The following HSPG2 variants were observed in gnomAD, a reference collection of about 807,000 sequenced individuals.
The protein encoded by HSPG2 is basement membrane-specific heparan sulfate proteoglycan core protein.
HSPG2 carries 278 observed loss-of-function variants against 526.6 expected under a neutral mutation model. The observed-to-expected ratio is 0.53, with a 90% CI of 0.48 to 0.58. HSPG2 has a LOEUF of 0.58. Among genes scored for constraint, HSPG2 ranks in the 20% least tolerant of loss-of-function variants. The pLI is 0.00. For missense variants in HSPG2, 5,354 were observed against 6,099.5 expected (o/e 0.88, Z 4.07); for synonymous variants, 2,465 against 2,555.4 (o/e 0.96, Z 1.07).
At chr1:21,925,112 G>A (rs561002733) in intron 1 of HSPG2, among the ~76,000 whole-genome samples, 1 of 152,342 alleles carries the variant, frequency 6.6e-6, no homozygotes, top group African/African-American at 2.4e-5. Flanking sequence ...CTCTGCGCCT[G>A]ACTATTCCCT....
chr1:21,830,127 G>T, intron 85 of HSPG2, 36 bp from the exon 86 acceptor site: 1 of 1,523,092 alleles, frequency 6.6e-7, no homozygotes, highest in Non-Finnish European at 8.9e-7. Flanking sequence ...AGACACGGAG[G>T]TGACTCTGGA....
At chr1:21,845,149 G>A (rs1042626464) in intron 64 of HSPG2, among the ~76,000 whole-genome samples, 2 of 152,180 alleles carry the variant, frequency 1.3e-5, no homozygotes, top group African/African-American at 4.8e-5. Context: ...AGGAGGCTGA[G>A]GCAGGAGAAT....
At position 21,852,802 on chromosome 1, in the gene HSPG2, C is replaced by T. The variant is rs1197936961; in HGVS notation, c.6622G>A (p.Val2208Met). ...TACTCGCCTGAGTCGGCCGGGGTCA[C>T]CTGGTGCAGCCGCAGCAGCGAGCCG... ...THGSLLRLHQ[V>M]TPADSGEYVC... Residue 2208 changes from valine (V) to methionine (M), a missense_variant, in exon 52 of 97, where the codon GTG becomes ATG. Val to Met is a conservative substitution (Grantham distance 21). Transcript: ENST00000374695. 7 of 1,612,840 alleles carry T rather than the reference C, an allele frequency of 4.3e-6. No homozygotes were observed. In the Admixed American group the frequency reaches 1.0e-4, roughly 23 times the overall value.
rs1557742512 is a variant in HSPG2, at chr1:21,864,177, G to T, written c.4663C>A (p.Leu1555Ile). Residue 1555 changes from leucine to isoleucine, a missense_variant, in exon 37 of 97, where the codon CTC becomes ATC. Transcript: ENST00000374695. The surrounding 1 kb of genome is among the most constrained non-coding windows in gnomAD (Gnocchi z 4.8). ...CATAGCTCGCAGTGGCCGAGGTAGA[G>T]CCCACTCCCGGTGCGCGTGTAGCCG... ...APGYTRTGSG[L>I]YLGHCELCEC... 1.9e-6 allele frequency: 3 copies of T among 1,554,516 alleles called. No individual in the cohort carries two copies. The highest frequency in any genetic ancestry group is 2.6e-6 in the Non-Finnish European group (3 of 1,148,942).
Position 21,904,260 on chromosome 1 carries a change from C to T in HSPG2, c.64-7950G>A, listed in dbSNP as rs373602742. On this transcript the variant is annotated intron_variant, in intron 1 of 96. Transcript: ENST00000374695. This position sits in a 1 kb window ranked among gnomAD's most constrained non-coding sequence, Gnocchi z 4.4. ...AAGATTTCCAGAAGAAATGCTAACT[C>T]AGCTGGGCCTGAGAGATGACTTCAC... Among the ~76,000 whole-genome samples the T allele has an allele frequency of 2.4e-4, 36 of 152,162 alleles. No individual in the cohort carries two copies. Among genetic ancestry groups the T allele is most frequent in the African/African-American group, 7.2e-4 (30 of 41,426 alleles).
chr1:21,891,350 C>G (rs907818567), intron 3 of HSPG2, among the ~76,000 whole-genome samples: 6 of 152,190 alleles, frequency 3.9e-5, no homozygotes, highest in African/African-American at 1.4e-4. Flanking sequence ...TGGGTTGCTG[C>G]GAGGAGTGCA....
intron 6 of HSPG2, among the ~76,000 whole-genome samples, chr1:21,888,894 T>C (rs1327243946): frequency 1.3e-5 from 2 of 152,242 alleles, no homozygotes; most frequent in African/African-American, 2.4e-5. Context: ...AGAGCAAGCT[T>C]GATCTCTGGG....
In HSPG2 at chr1:21,831,212, C is replaced by T; in HGVS notation, c.11562+3G>A. On this transcript the variant is annotated splice_donor_region_variant and intron_variant, in intron 84 of 96. Transcript: ENST00000374695. ...CCAGGTGGTGTGTGGGGTGTGGGGTCACCTGGCAGGGCCGGTCCCGACAGG... is the reference window on the plus strand; with the variant it reads ...CCAGGTGGTGTGTGGGGTGTGGGGTTACCTGGCAGGGCCGGTCCCGACAGG... 6.2e-7 allele frequency: 1 copy of T among 1,613,478 alleles called. No homozygotes were observed. The highest frequency in any genetic ancestry group is 8.5e-7 in the Non-Finnish European group (1 of 1,179,498).
In HSPG2 at chr1:21,838,716, C is replaced by T. The variant is rs955821815; in HGVS notation, c.10150+109G>A. 4.2e-6 allele frequency: 5 copies of T among 1,185,938 alleles called. No individual in the cohort carries two copies. The African/African-American group carries it at 4.8e-5, about 11-fold the overall frequency. The allele number at this position is 1,185,938 out of a possible 1,614,324, so 73.5% of individuals were successfully genotyped here. A position where few individuals can be genotyped will look rare whatever the true frequency, so the allele number is the denominator to read the frequency against. On this transcript the variant is annotated intron_variant, in intron 74 of 96. Transcript: ENST00000374695. ...GGAGAGTAGGGGAGATGAGGGCATT[C>T]CAGGTGGGGTTATGGAGGGAGGCCT...
At position 21,850,402 on chromosome 1, in the gene HSPG2, A is replaced by G; in HGVS notation, c.7255T>C (p.Ser2419Pro). 6.2e-7 allele frequency: 1 copy of G among 1,611,070 alleles called. No individual in the cohort carries two copies. Among genetic ancestry groups the G allele is most frequent in the Non-Finnish European group, 8.5e-7 (1 of 1,178,956 alleles). Residue 2419 changes from serine to proline, a missense_variant, in exon 56 of 97, where the codon TCT becomes CCT. By Grantham distance (74) the Ser-to-Pro change is moderately conservative. Coordinates refer to ENST00000374695, the MANE Select transcript of HSPG2 (RefSeq NM_005529.7). ...VLGSSVPLEASVLVTIEPAGS... is the reference protein window; with the variant it reads ...VLGSSVPLEAPVLVTIEPAGS... The stretch of plus-strand genomic sequence containing the variant: ...GCAGGCTCAATGGTGACCAGGACAG[A>G]GGCCTCTAGAGGCACGGAGCTGCCC...
In HSPG2 at chr1:21,926,621, TG is replaced by T; in HGVS notation, c.63+10533del. Among the ~76,000 whole-genome samples the T allele has an allele frequency of 2.0e-5, 3 of 151,726 alleles. No individual in the cohort carries two copies. In the Middle Eastern group the frequency reaches 0.01, roughly 516 times the overall value. ...TACAAAAATTAGCCAGGCGTGGTAG[TG>T]CATGCCTGTAATCCATAATCCCTGC... On this transcript the variant is annotated intron_variant, in intron 1 of 96. Coordinates refer to ENST00000374695, the MANE Select transcript of HSPG2 (RefSeq NM_005529.7).
In HSPG2 at chr1:21,884,894, G is replaced by A. The variant is rs142736604; in HGVS notation, c.1380C>T (p.Gly460=). ...CATCACGGATGATCAGTGTGCCACG[G>A]CCACCCTCGCTGGTCACTGTCACCC... is the stretch of plus-strand genomic sequence containing the variant. ...HPRVTVTSEG[G]RGTLIIRDVK... Residue 460 remains glycine (G), a synonymous_variant, in exon 12 of 97, where the codon GGC becomes GGT. Coordinates refer to ENST00000374695, the MANE Select transcript of HSPG2 (RefSeq NM_005529.7). 3.1e-6 allele frequency: 5 copies of A among 1,613,874 alleles called. No homozygotes were observed. The African/African-American group carries it at 6.7e-5, about 22-fold the overall frequency.
chr1:21,858,088 G>A lies in HSPG2; in HGVS notation c.5294-703C>T, dbSNP rs761525719. 1.3e-5 allele frequency among the ~76,000 whole-genome samples: 2 copies of A among 151,988 alleles called. No individual in the cohort carries two copies. The highest frequency in any genetic ancestry group is 6.6e-5 in the Admixed American group (1 of 15,260). On this transcript the variant is annotated intron_variant, in intron 42 of 96. Coordinates refer to ENST00000374695, the MANE Select transcript of HSPG2 (RefSeq NM_005529.7). The surrounding 1 kb of genome is among the most constrained non-coding windows in gnomAD (Gnocchi z 4.2). ...CTCGCAGTCAATGACCCACTTCCTG[G>A]CCTCCCTTCAGAGCCAAGACTCTTG...
intron 9 of HSPG2, among the ~76,000 whole-genome samples, chr1:21,886,979 C>T (rs1442179261): frequency 6.6e-6 from 1 of 152,210 alleles, no homozygotes; most frequent in African/African-American, 2.4e-5. Flanking sequence ...CACACAGCTT[C>T]ACCAAAGGCC....
At chr1:21,936,901 A>C (rs531635356) in intron 1 of HSPG2, among the ~76,000 whole-genome samples, 148 of 152,102 alleles carry the variant, frequency 9.7e-4, no homozygotes, top group African/African-American at 3.4e-3. Flanking sequence ...TGGCCGAGAG[A>C]CCCACGGGCT....
chr1:21,876,383 G>C lies in HSPG2; in HGVS notation c.2849C>G (p.Pro950Arg), dbSNP rs1245235552. 1 of 1,611,760 alleles carries C rather than the reference G, an allele frequency of 6.2e-7. No individual in the cohort carries two copies. The change falls in exon 23 of 97, where the codon CCT (proline) becomes CGT (arginine). Residue 950 changes from proline to arginine, a missense_variant. Pro to Arg is a moderately radical substitution (Grantham distance 103). Coordinates refer to ENST00000374695, the MANE Select transcript of HSPG2 (RefSeq NM_005529.7). The part of the protein sequence containing the change: ...RAQLHGASEE[P>R]GHFSLTNAAS... ...GGCGTTGGTCAGGCTGAAGTGACCA[G>C]GCTCCTCAGAGGCCCCATGCAACTG...
Position 21,862,022 on chromosome 1 carries a change from G to C in HSPG2, c.4834C>G (p.Pro1612Ala). ...GGGTTGGTCAGTGGGCAGGCACAGG[G>C]CTGGCAGTCCTCAGGCGTCCCGGCT... ...ATAGTPEDCQ[P>A]CACPLTNPEN... The change falls in exon 38 of 97, where the codon CCC (proline) becomes GCC (alanine). Residue 1612 changes from proline (P) to alanine (A), a missense_variant. Pro to Ala is a conservative substitution (Grantham distance 27, BLOSUM62 -1). Transcript: ENST00000374695. The C allele has an allele frequency of 6.2e-7, 1 of 1,614,198 alleles. No individual in the cohort carries two copies. Among genetic ancestry groups the C allele is most frequent in the Non-Finnish European group, 8.5e-7 (1 of 1,180,034 alleles).
rs1013459132 is a variant in HSPG2 at position 21,841,305 on chromosome 1, C to T, written c.9329-20G>A. ...GGGGCCCTGTGCGGAGGAATGACAA[C>T]CACTGACACACAGGCAGGGCTCTGC... On this transcript the variant is annotated intron_variant, in intron 70 of 96. Coordinates refer to ENST00000374695, the MANE Select transcript of HSPG2 (RefSeq NM_005529.7). 1.6e-5 allele frequency: 26 copies of T among 1,612,988 alleles called. No individual in the cohort carries two copies. Among genetic ancestry groups the T allele is most frequent in the Non-Finnish European group, 2.2e-5 (26 of 1,179,680 alleles).
chr1:21,824,716 A>G lies in HSPG2; in HGVS notation c.12653T>C (p.Val4218Ala). The G allele has an allele frequency of 6.2e-7, 1 of 1,613,740 alleles. No individual in the cohort carries two copies. The highest frequency in any genetic ancestry group is 8.5e-7 in the Non-Finnish European group (1 of 1,179,900). The change falls in exon 92 of 97, where the codon GTC becomes GCC. Residue 4218 changes from valine to alanine, a missense_variant. By Grantham distance (64) the Val-to-Ala change is moderately conservative. Transcript: ENST00000374695. This position sits in a 1 kb window ranked among gnomAD's most constrained non-coding sequence, Gnocchi z 5.9. ...DDGFLAFPGH[V>A]FSRSLPEVPE... ...ATGCCAGTCTCACCTCCTGGAGAAG[A>G]CATGGCCAGGGAAGGCGAGGAAGCC... is the stretch of plus-strand genomic sequence containing the variant.
Sources: gnomAD v4.1 joint callset for allele counts (sites outside exome capture counted in the v4.1 genomes callset) on GRCh38, gnomAD v4.1.1 for gene constraint, Gnocchi (gnomAD v3.1) non-coding constraint, MANE v1.5 for transcripts, NCBI Gene and HGNC (gene_info 2026-07-23, HGNC 2026-07-21) for gene names.